Variants in BBS9 observed in about 807,000 individuals in gnomAD.
BBS9 encodes the protein protein PTHB1.
Under a neutral mutation model 117.7 loss-of-function variants are expected in BBS9, and 89 were observed. The ratio of observed to expected loss-of-function variants is 0.76; its 90% CI spans 0.64 to 0.90. The LOEUF (loss-of-function observed/expected upper bound fraction) is 0.90, where lower values mean the gene tolerates loss of function less well. BBS9 is among the 40% of genes least tolerant of loss of function. The pLI, the probability that BBS9 is intolerant of heterozygous loss-of-function variation, is 0.00. For missense variants in BBS9, 982 were observed against 1,042.2 expected (o/e 0.94, Z 0.80); for synonymous variants, 379 against 370.9 (o/e 1.02, Z -0.25).
chr7:33,325,326 C>T (rs1584329555), intron 9 of BBS9, among the ~76,000 whole-genome samples: 1 of 152,064 alleles, frequency 6.6e-6, no homozygotes. Context: ...CTGCTTGATT[C>T]TTTTAAATTA....
chr7:33,305,575 T>C (rs1478118962), intron 9 of BBS9, among the ~76,000 whole-genome samples: 3 of 152,192 alleles, frequency 2.0e-5, no homozygotes. Flanking sequence ...ATTACAGCTT[T>C]CATCTCGTTA....
chr7:33,509,491 T>G (rs190246435), intron 20 of BBS9, among the ~76,000 whole-genome samples: 349 of 152,288 alleles, frequency 2.3e-3, no homozygotes, highest in African/African-American at 8.0e-3. Context: ...GAAGTTATTA[T>G]GATACCACAA....
At chr7:33,543,656 A>G (rs995073641) in intron 21 of BBS9, among the ~76,000 whole-genome samples, 2 of 152,168 alleles carry the variant, frequency 1.3e-5, no homozygotes, top group Non-Finnish European at 2.9e-5. Flanking sequence ...TTAACTTTGT[A>G]TAACCTGATG....
chr7:33,300,434 G>A (rs555085976), intron 9 of BBS9, among the ~76,000 whole-genome samples: 3 of 152,148 alleles, frequency 2.0e-5, no homozygotes, highest in South Asian at 2.1e-4. Context: ...TCAAAGCATC[G>A]GTGAGCCAGG....
At chr7:33,204,175 C>A (rs1176775662) in intron 5 of BBS9, among the ~76,000 whole-genome samples, 1 of 149,296 alleles carries the variant, frequency 6.7e-6, no homozygotes, top group Non-Finnish European at 1.5e-5. Flanking sequence ...AGGCCAAAGG[C>A]AGGTGGATCA....
intron 4 of BBS9, among the ~76,000 whole-genome samples, chr7:33,171,439 A>G (rs1474067197): frequency 6.6e-6 from 1 of 152,244 alleles, no homozygotes; most frequent in Non-Finnish European, 1.5e-5. Context: ...TTGTTTATAC[A>G]CTATGTATAC....
intron 4 of BBS9, among the ~76,000 whole-genome samples, chr7:33,163,142 C>T (rs1795124673): frequency 6.6e-6 from 1 of 152,126 alleles, no homozygotes; most frequent in African/African-American, 2.4e-5. Context: ...TATTGATTTG[C>T]ATATGTTAAA....
At chr7:33,401,610 A>G (rs2128792065) in intron 19 of BBS9, among the ~76,000 whole-genome samples, 1 of 152,292 alleles carries the variant, frequency 6.6e-6, no homozygotes, top group East Asian at 1.9e-4. Flanking sequence ...TCTAATTGGC[A>G]ATTGGTTGAA....
chr7:33,491,222 A>G (rs537904940), intron 19 of BBS9, among the ~76,000 whole-genome samples: 28 of 152,358 alleles, frequency 1.8e-4, no homozygotes, highest in Admixed American at 3.3e-4. Context: ...CCACACAAAA[A>G]TACATTTAAT....
chr7:33,334,964 T>C (rs890028156), intron 9 of BBS9, among the ~76,000 whole-genome samples: 1 of 152,214 alleles, frequency 6.6e-6, no homozygotes, highest in Non-Finnish European at 1.5e-5. Flanking sequence ...TATTGGAATG[T>C]TGTGTTTAAG....
At chr7:33,401,168 C>G (rs1329638011) in intron 19 of BBS9, among the ~76,000 whole-genome samples, 1 of 152,186 alleles carries the variant, frequency 6.6e-6, no homozygotes, top group Non-Finnish European at 1.5e-5. Context: ...GCTTCTAGCC[C>G]ATCACTTAAT....
chr7:33,257,281 T>A lies in BBS9; in HGVS notation c.488T>A (p.Val163Glu). 1 of 1,613,904 alleles carries A rather than the reference T, an allele frequency of 6.2e-7. No individual in the cohort carries two copies. The highest frequency in any genetic ancestry group is 8.5e-7 in the Non-Finnish European group (1 of 1,179,820). Reference protein sequence around the residue: ...CIQSMDGMLMVFEQESYAFGR... With the variant: ...CIQSMDGMLMEFEQESYAFGR... ...CAGTCTATGGATGGGATGCTGATGG[T>A]ATTTGAGCAGGAGAGCTATGCTTTT... The change falls in exon 6 of 23, where the codon GTA becomes GAA. Residue 163 changes from valine to glutamate, a missense_variant. Transcript: ENST00000242067.
intron 19 of BBS9, among the ~76,000 whole-genome samples, chr7:33,453,456 G>T (rs1838191193): frequency 6.6e-6 from 1 of 151,738 alleles, no homozygotes; most frequent in Non-Finnish European, 1.5e-5. Flanking sequence ...TGAAGACCAT[G>T]AGGATAAAGA....
intron 5 of BBS9, among the ~76,000 whole-genome samples, chr7:33,237,142 T>G (rs1182189131): frequency 6.6e-6 from 1 of 152,224 alleles, no homozygotes; most frequent in Non-Finnish European, 1.5e-5. Context: ...GAAATCTCAC[T>G]CTTGTGCCAA....
At chr7:33,619,349 A>C (rs1407882760) in intron 21 of BBS9, among the ~76,000 whole-genome samples, 1 of 152,208 alleles carries the variant, frequency 6.6e-6, no homozygotes, top group East Asian at 1.9e-4. Context: ...GAACACCTAA[A>C]TACATAAAGA....
chr7:33,368,613 CA>C lies in BBS9; in HGVS notation c.1789+752del, dbSNP rs1367257840. On this transcript the variant is annotated intron_variant, in intron 17 of 22. Transcript: ENST00000242067. The stretch of plus-strand genomic sequence containing the variant: ...ACACACACACACACACACACACACA[CA>C]CACCCATACCCCCTTGAAATAGTCT... Among the ~76,000 whole-genome samples the C allele has an allele frequency of 4.4e-3, 656 of 150,788 alleles. 6 individuals carry two copies. Among genetic ancestry groups the C allele is most frequent in the African/African-American group, 0.015 (626 of 40,806 alleles).
intron 19 of BBS9, among the ~76,000 whole-genome samples, chr7:33,417,547 G>A (rs1272611606): frequency 6.6e-6 from 1 of 152,178 alleles, no homozygotes; most frequent in Non-Finnish European, 1.5e-5. Flanking sequence ...TGAACAATTT[G>A]TAGTGACTAC....
intron 3 of BBS9, among the ~76,000 whole-genome samples, chr7:33,154,135 T>G (rs1181516565): frequency 6.6e-6 from 1 of 152,190 alleles, no homozygotes; most frequent in Non-Finnish European, 1.5e-5. Flanking sequence ...AAACTTGTTT[T>G]GAATGTCCAG....
chr7:33,324,107 G>C (rs1391729077), intron 9 of BBS9, among the ~76,000 whole-genome samples: 1 of 151,530 alleles, frequency 6.6e-6, no homozygotes, highest in Non-Finnish European at 1.5e-5. Flanking sequence ...CAAAGTGTTG[G>C]GATTACAGGC....
Sources: allele counts gnomAD v4.1 joint callset (sites outside exome capture counted in the v4.1 genomes callset), GRCh38; gene constraint gnomAD v4.1.1; transcripts MANE v1.5; gene names NCBI Gene and HGNC (gene_info 2026-07-23, HGNC 2026-07-21).